Variants in SERGEF observed in about 807,000 individuals in gnomAD.
The protein encoded by SERGEF is secretion regulating guanine nucleotide exchange factor, also known as secretion-regulating guanine nucleotide exchange factor.
Under a neutral mutation model 50.0 loss-of-function variants are expected in SERGEF, and 51 were observed. That is an observed-to-expected ratio of 1.02 (90% CI 0.81 to 1.29). The LOEUF (loss-of-function observed/expected upper bound fraction) is 1.29. Among genes scored for constraint, SERGEF ranks in the 50% most tolerant of loss-of-function variants. The pLI is 0.00. For missense variants in SERGEF, 521 were observed against 557.0 expected (o/e 0.94, Z 0.65); for synonymous variants, 205 against 212.4 (o/e 0.97, Z 0.30).
At chr11:17,986,940 A>T (rs1333620952) in intron 8 of SERGEF, among the ~76,000 whole-genome samples, 1 of 152,248 alleles carries the variant, frequency 6.6e-6, no homozygotes, top group East Asian at 1.9e-4. Flanking sequence ...ATTTACATCT[A>T]GTACAAGGCA....
chr11:17,837,216 A>G (rs1850416456), intron 10 of SERGEF, among the ~76,000 whole-genome samples: 1 of 152,134 alleles, frequency 6.6e-6, no homozygotes, highest in Non-Finnish European at 1.5e-5. Context: ...TTTGATCTAT[A>G]CTAATTGAGT....
chr11:17,931,644 C>A (rs1036419930), intron 9 of SERGEF, among the ~76,000 whole-genome samples: 2 of 152,146 alleles, frequency 1.3e-5, no homozygotes, highest in African/African-American at 2.4e-5. Context: ...GTCCATATGC[C>A]ACAAGGTGAC....
At chr11:17,832,193 G>A (rs1412464933) in intron 10 of SERGEF, among the ~76,000 whole-genome samples, 2 of 152,152 alleles carry the variant, frequency 1.3e-5, no homozygotes, top group African/African-American at 4.8e-5. Context: ...GTTGTGGGAG[G>A]GACCTGGTGG....
At chr11:17,809,334 G>A (rs570032832) in intron 10 of SERGEF, among the ~76,000 whole-genome samples, 2 of 152,148 alleles carry the variant, frequency 1.3e-5, no homozygotes, top group South Asian at 2.1e-4. Flanking sequence ...ATGGCAGATG[G>A]CTCAAGAAAT....
intron 10 of SERGEF, among the ~76,000 whole-genome samples, chr11:17,835,287 T>C (rs1223054216): frequency 6.6e-6 from 1 of 152,180 alleles, no homozygotes; most frequent in Non-Finnish European, 1.5e-5. Flanking sequence ...GTGCTCAACT[T>C]GATGGCTGAG....
intron 10 of SERGEF, among the ~76,000 whole-genome samples, chr11:17,833,254 C>T (rs908506793): frequency 5.9e-5 from 9 of 152,176 alleles, no homozygotes; most frequent in African/African-American, 1.2e-4. Context: ...GAGCTTGGGC[C>T]GTGGCTTCAG....
chr11:17,887,339 A>C (rs1851448778), intron 9 of SERGEF, among the ~76,000 whole-genome samples: 1 of 152,226 alleles, frequency 6.6e-6, no homozygotes, highest in African/African-American at 2.4e-5. Context: ...AAAAAAGCCT[A>C]ACACAACAAT....
chr11:18,007,972 T>A lies in SERGEF; in HGVS notation c.165A>T (p.Thr55=). 6.2e-7 allele frequency: 1 copy of A among 1,614,078 alleles called. No homozygotes were observed. The highest frequency in any genetic ancestry group is 2.2e-5 in the East Asian group (1 of 44,882). The part of the protein sequence containing the change: ...FCKPRSVRRI[T]GGGGHSAVVT... ...CAACTGCAGAGTGGCCCCCTCCTCC[T>A]GTGATCCTCCTGACACTCCTGGGTT... The change falls in exon 2 of 11, where the codon ACA becomes ACT. Residue 55 remains threonine (T), a synonymous_variant. Coordinates refer to ENST00000265965, the MANE Select transcript of SERGEF (RefSeq NM_012139.4).
chr11:17,979,183 C>G (rs965473562), intron 8 of SERGEF, among the ~76,000 whole-genome samples: 1 of 152,086 alleles, frequency 6.6e-6, no homozygotes, highest in Non-Finnish European at 1.5e-5. Flanking sequence ...CTGGTGGGTA[C>G]CTGCAAACCA....
chr11:17,916,028 G>T (rs563961298), intron 9 of SERGEF, among the ~76,000 whole-genome samples: 1 of 152,312 alleles, frequency 6.6e-6, no homozygotes, highest in South Asian at 2.1e-4. Flanking sequence ...AAACAAACTG[G>T]CCTGAAGACA....
At chr11:17,922,033 A>C (rs1852166606) in intron 9 of SERGEF, among the ~76,000 whole-genome samples, 1 of 152,140 alleles carries the variant, frequency 6.6e-6, no homozygotes, top group Non-Finnish European at 1.5e-5. Context: ...AGCCTCATGG[A>C]CTTGTCTCAA....
At chr11:17,806,156 G>A (rs1784243015) in intron 10 of SERGEF, among the ~76,000 whole-genome samples, 1 of 152,162 alleles carries the variant, frequency 6.6e-6, no homozygotes, top group Non-Finnish European at 1.5e-5. Context: ...CAGAAGTATA[G>A]AGCCCAGCAA....
At chr11:17,995,096 GAGAA>G (rs1853808859) in intron 6 of SERGEF, among the ~76,000 whole-genome samples, 1 of 152,300 alleles carries the variant, frequency 6.6e-6, no homozygotes, top group African/African-American at 2.4e-5. Flanking sequence ...AGCAGAGAGA[GAGAA>G]AGAAAGAGAG....
At chr11:17,984,268 C>A (rs1251333253) in intron 8 of SERGEF, among the ~76,000 whole-genome samples, 2 of 152,088 alleles carry the variant, frequency 1.3e-5, no homozygotes, top group African/African-American at 4.8e-5. Context: ...GTAGGCTGTA[C>A]AGGAAGCATA....
At chr11:17,977,016 G>A (rs546727631) in intron 8 of SERGEF, among the ~76,000 whole-genome samples, 1 of 152,244 alleles carries the variant, frequency 6.6e-6, no homozygotes, top group South Asian at 2.1e-4. Context: ...AAGAAGGTAG[G>A]AAGAGGGCAG....
At chr11:17,999,086 C>T (rs886890139) in intron 5 of SERGEF, among the ~76,000 whole-genome samples, 1 of 152,134 alleles carries the variant, frequency 6.6e-6, no homozygotes, top group African/African-American at 2.4e-5. Context: ...TGAAAAAAGC[C>T]AACCTCAAAA....
intron 9 of SERGEF, among the ~76,000 whole-genome samples, chr11:17,914,657 C>A (rs1414249892): frequency 3.3e-5 from 5 of 152,104 alleles, no homozygotes; most frequent in African/African-American, 1.2e-4. Flanking sequence ...TAATATGCAA[C>A]CATAGTTAAA....
intron 9 of SERGEF, among the ~76,000 whole-genome samples, chr11:17,936,316 T>G (rs4757607): frequency 5.3e-5 from 8 of 151,958 alleles, no homozygotes; most frequent in African/African-American, 9.7e-5. Context: ...CTGAGTTTCC[T>G]TATCTATAAA....
intron 10 of SERGEF, among the ~76,000 whole-genome samples, chr11:17,826,319 G>T (rs139433422): frequency 6.6e-6 from 1 of 152,336 alleles, no homozygotes; most frequent in East Asian, 1.9e-4. Flanking sequence ...TCCATGCAAA[G>T]CAGCTATATT....
Sources: gnomAD v4.1 joint callset for allele counts (sites outside exome capture counted in the v4.1 genomes callset) on GRCh38, gnomAD v4.1.1 for gene constraint, MANE v1.5 for transcripts, NCBI Gene and HGNC (gene_info 2026-07-23, HGNC 2026-07-21) for gene names.